GPR89B: variants seen among roughly 807,000 people sequenced by gnomAD.
The protein encoded by GPR89B is G protein-coupled receptor 89B.
In GPR89B, 25 loss-of-function variants were observed where a neutral mutation model predicts 52.4. The observed-to-expected ratio is 0.48, with a 90% CI of 0.35 to 0.67. The LOEUF (loss-of-function observed/expected upper bound fraction) is 0.67, where lower values mean the gene tolerates loss of function less well. Ranked by LOEUF, GPR89B falls within the 30% of genes least tolerant of loss-of-function variation. The pLI is 0.01. For missense variants in GPR89B, 146 were observed against 450.2 expected (o/e 0.32, Z 6.11); for synonymous variants, 52 against 151.2 (o/e 0.34, Z 4.81).
At chr1:147,998,325 A>G (rs1399199332), downstream of GPR89B, among the ~76,000 whole-genome samples, 2 of 143,632 alleles carry the variant, frequency 1.4e-5, no homozygotes, top group Admixed American at 7.2e-5. Context: ...CTTACTAACC[A>G]CAAGACCACA....
At chr1:148,007,935 G>A in the GPR89B span, among the ~76,000 whole-genome samples, 2 of 152,240 alleles carry the variant, frequency 1.3e-5, no homozygotes, top group East Asian at 1.9e-4. Context: ...GAGGATTCAC[G>A]TCCAAGACGG....
At chr1:147,950,047 A>T (rs1400004282) in intron 5 of GPR89B, among the ~76,000 whole-genome samples, 1 of 138,588 alleles carries the variant, frequency 7.2e-6, no homozygotes, top group South Asian at 2.4e-4. Flanking sequence ...TCCCTCCCGG[A>T]CGGGGCGGCT....
intron 5 of GPR89B, among the ~76,000 whole-genome samples, chr1:147,952,967 T>G (rs1279807275): frequency 6.6e-6 from 1 of 151,576 alleles, no homozygotes; most frequent in Admixed American, 6.6e-5. Flanking sequence ...TTCCTGCTAT[T>G]TATACTTTTC....
At chr1:147,976,791 C>T (rs1296437141) in intron 10 of GPR89B, among the ~76,000 whole-genome samples, 3 of 151,928 alleles carry the variant, frequency 2.0e-5, no homozygotes, top group Non-Finnish European at 4.4e-5. Context: ...ATAGTTTTTC[C>T]TTTCCATATT....
intron 10 of GPR89B, among the ~76,000 whole-genome samples, chr1:147,983,877 C>T (rs1444648337): frequency 6.6e-5 from 10 of 151,596 alleles, no homozygotes; most frequent in Non-Finnish European, 1.2e-4. Context: ...CACATGCACA[C>T]GTATGTTTAT....
chr1:147,977,233 CAAAAAAAAAA>C (rs1191631857), intron 10 of GPR89B, among the ~76,000 whole-genome samples: 1 of 41,304 alleles, frequency 2.4e-5, no homozygotes, highest in Non-Finnish European at 4.2e-5. Flanking sequence ...GACTCCATCT[CAAAAAAAAAA>C]AAAAAAAAAA....
At chr1:148,006,463 T>C in the GPR89B span, among the ~76,000 whole-genome samples, 5 of 152,006 alleles carry the variant, frequency 3.3e-5, no homozygotes, top group Non-Finnish European at 7.4e-5. Flanking sequence ...TTCAAAGATA[T>C]TAATAGAGCA....
At chr1:147,932,802 G>T (rs1480524422) in intron 1 of GPR89B, among the ~76,000 whole-genome samples, 1 of 152,034 alleles carries the variant, frequency 6.6e-6, no homozygotes, top group African/African-American at 2.4e-5. Flanking sequence ...AGCGTATTTT[G>T]AAGTGGTTAA....
intron 10 of GPR89B, among the ~76,000 whole-genome samples, chr1:147,971,326 A>G (rs1242986503): frequency 6.6e-6 from 1 of 151,168 alleles, no homozygotes; most frequent in Non-Finnish European, 1.5e-5. Flanking sequence ...ACTTTTTTGT[A>G]TTTCAGTAGA....
chr1:147,941,864 C>G (rs1654586097), intron 3 of GPR89B, among the ~76,000 whole-genome samples: 1 of 151,876 alleles, frequency 6.6e-6, no homozygotes, highest in Non-Finnish European at 1.5e-5. Context: ...AATATTTTAC[C>G]TGTTACCATT....
intron 12 of GPR89B, among the ~76,000 whole-genome samples, chr1:147,991,824 T>A (rs1250599975): frequency 6.6e-6 from 1 of 152,162 alleles, no homozygotes; most frequent in South Asian, 2.1e-4. Context: ...ATAAGCTTTT[T>A]GATGTGCCGC....
intron 1 of GPR89B, among the ~76,000 whole-genome samples, chr1:147,931,741 C>T (rs1371520119): frequency 5.3e-5 from 8 of 151,946 alleles, no homozygotes; most frequent in African/African-American, 1.7e-4. Context: ...TCTCCCCTCC[C>T]CTGCCCCCAA....
intron 5 of GPR89B, among the ~76,000 whole-genome samples, chr1:147,948,950 G>T (rs1571247578): frequency 6.6e-6 from 1 of 151,978 alleles, no homozygotes; most frequent in East Asian, 1.9e-4. Context: ...AGATTAGGGA[G>T]TGGTGATGAC....
chr1:147,937,729 T>G (rs1553248206), intron 2 of GPR89B, among the ~76,000 whole-genome samples: 1 of 152,220 alleles, frequency 6.6e-6, no homozygotes, highest in South Asian at 2.1e-4. Flanking sequence ...CCGTGTTCCC[T>G]GAAAATTGCT....
chr1:148,003,292 G>A, the GPR89B span, among the ~76,000 whole-genome samples: 1 of 151,976 alleles, frequency 6.6e-6, no homozygotes, highest in Non-Finnish European at 1.5e-5. Flanking sequence ...TTCCTATTGA[G>A]TTGCAAGGAA....
chr1:147,993,328 C>G lies in GPR89B; in HGVS notation c.*411C>G, dbSNP rs1276652395. ...TGCCTTGAGATTGACTCATTAAAATCAGAGACTGTAACACTTTTGCCTTAC... is the reference window on the plus strand; with the variant it reads ...TGCCTTGAGATTGACTCATTAAAATGAGAGACTGTAACACTTTTGCCTTAC... On this transcript the variant is annotated 3_prime_UTR_variant, in exon 14 of 14. Coordinates refer to ENST00000314163, the MANE Select transcript of GPR89B (RefSeq NM_016334.5). 1 of 310,460 alleles carries G rather than the reference C, an allele frequency of 3.2e-6. No homozygotes were observed. Among genetic ancestry groups the G allele is most frequent in the Non-Finnish European group, 6.1e-6 (1 of 162,728 alleles). The allele number at this position is 310,460 out of a possible 1,614,324, so 19.2% of individuals were successfully genotyped here.
At chr1:147,938,447 AGT>A (rs1654281801) in intron 2 of GPR89B, among the ~76,000 whole-genome samples, 1 of 148,006 alleles carries the variant, frequency 6.8e-6, no homozygotes, top group Non-Finnish European at 1.5e-5. Flanking sequence ...AGGAATTCTA[AGT>A]GCTACCTATG....
intron 10 of GPR89B, among the ~76,000 whole-genome samples, chr1:147,979,978 C>G (rs1407642744): frequency 6.6e-6 from 1 of 151,114 alleles, no homozygotes; most frequent in African/African-American, 2.4e-5. Flanking sequence ...CCCAGCTACT[C>G]AGGAGGCTAT....
rs1203498088 is a variant in GPR89B at position 147,936,758 on chromosome 1, G to T, written c.102+72G>T. ...TGACAAGAAAAATGTCTCCATTAAA[G>T]AAACATTATGTTCATTTCCAAGATA... On this transcript the variant is annotated intron_variant, in intron 2 of 13. Coordinates refer to ENST00000314163, the MANE Select transcript of GPR89B (RefSeq NM_016334.5). 7.3e-6 allele frequency: 9 copies of T among 1,229,502 alleles called. No homozygotes were observed. The Admixed American group carries it at 9.6e-5, about 13-fold the overall frequency. The allele number at this position is 1,229,502 out of a possible 1,614,324, so 76.2% of individuals were successfully genotyped here.
Sources: allele counts gnomAD v4.1 joint callset (sites outside exome capture counted in the v4.1 genomes callset), GRCh38; gene constraint gnomAD v4.1.1; transcripts MANE v1.5; gene names NCBI Gene and HGNC (gene_info 2026-07-23, HGNC 2026-07-21).